AP3M2: variants seen among roughly 807,000 people sequenced by gnomAD.
AP3M2 encodes AP-3 complex subunit mu-2.
AP3M2 carries 28 observed loss-of-function variants against 41.6 expected under a neutral mutation model. That is an observed-to-expected ratio of 0.67 (90% CI 0.50 to 0.92). AP3M2 has a LOEUF of 0.92. Ranked by LOEUF, AP3M2 falls within the 40% of genes least tolerant of loss-of-function variation. The probability of loss-of-function intolerance (pLI) is 0.00; values close to 1 mark genes in which losing one functional copy is unlikely to be tolerated. For missense variants in AP3M2, 427 were observed against 521.4 expected, an observed-to-expected ratio of 0.82 and a Z score of 1.76; for synonymous variants, 193 against 186.4, an observed-to-expected ratio of 1.04 and a Z score of -0.29.
chr8:42,166,999 AATTAG>A, intron 6 of AP3M2, 160 bp from the exon 7 acceptor site: 1 of 628,052 alleles, frequency 1.6e-6, no homozygotes, highest in South Asian at 2.1e-5. Context: ...AAAAAGAAAA[AATTAG>A]ATTACTGGGG....
chr8:42,168,911 T>C (rs780778078), intron 8 of AP3M2, 50 bp from the exon 9 acceptor site: 1 of 1,405,770 alleles, frequency 7.1e-7, no homozygotes, highest in South Asian at 1.3e-5. Context: ...GGCGACCTGC[T>C]CCTTTTGAAT....
chr8:42,161,588 G>T (rs781156338), intron 3 of AP3M2, among the ~76,000 whole-genome samples: 1 of 152,132 alleles, frequency 6.6e-6, no homozygotes, highest in Admixed American at 6.5e-5. Context: ...CAGCCTGGGC[G>T]ATAGAGCGAG....
intron 2 of AP3M2, among the ~76,000 whole-genome samples, chr8:42,157,264 A>G (rs1804379479): frequency 6.6e-6 from 1 of 152,228 alleles, no homozygotes; most frequent in Non-Finnish European, 1.5e-5. Context: ...TGTTATCCTG[A>G]TTATACCATT....
chr8:42,158,925 C>G (rs1804432029), intron 3 of AP3M2, among the ~76,000 whole-genome samples: 1 of 152,102 alleles, frequency 6.6e-6, no homozygotes, highest in African/African-American at 2.4e-5. Flanking sequence ...TCCCGAGTAG[C>G]TGGGATTACA....
chr8:42,169,124 A>T lies in AP3M2; in HGVS notation c.*63A>T. ...TTCATTTCTTACTTGTCTAAAAGTA[A>T]AAAAAAATATCAGCCTGTCTCCTAG... On this transcript the variant is annotated 3_prime_UTR_variant, in exon 9 of 9. Transcript: ENST00000396926. 7.2e-7 allele frequency: 1 copy of T among 1,396,886 alleles called. No homozygotes were observed. Among genetic ancestry groups the T allele is most frequent in the Non-Finnish European group, 9.9e-7 (1 of 1,009,104 alleles). The allele number at this position is 1,396,886 out of a possible 1,614,324, so 86.5% of individuals were successfully genotyped here.
At chr8:42,161,655 G>C (rs1456125434) in intron 3 of AP3M2, among the ~76,000 whole-genome samples, 1 of 152,016 alleles carries the variant, frequency 6.6e-6, no homozygotes, top group African/African-American at 2.4e-5. Context: ...CCAGGTAATG[G>C]AAGAAGGAAA....
At position 42,169,105 on chromosome 8, in the gene AP3M2, TCTTA is replaced by T. The variant is rs900172982; in HGVS notation, c.*48_*51del. ...GAATAGTCTTGCACATTTTTTCATT[TCTTA>T]CTTGTCTAAAAGTAAAAAAAAATAT... On this transcript the variant is annotated 3_prime_UTR_variant, in exon 9 of 9. Coordinates refer to ENST00000396926, the MANE Select transcript of AP3M2 (RefSeq NM_006803.4). 1.3e-6 allele frequency: 2 copies of T among 1,509,556 alleles called. No individual in the cohort carries two copies. The highest frequency in any genetic ancestry group is 2.8e-5 in the African/African-American group (2 of 71,500). 93.5% of individuals were successfully genotyped at this position (1,509,556 alleles called of 1,614,324 possible).
intron 4 of AP3M2, among the ~76,000 whole-genome samples, chr8:42,162,667 A>C (rs1804537177): frequency 6.6e-6 from 1 of 152,134 alleles, no homozygotes; most frequent in Admixed American, 6.5e-5. Flanking sequence ...GTAACAGGCC[A>C]GATGTAGTGA....
Position 42,154,577 on chromosome 8 carries a change from T to C in AP3M2, c.-72-39T>C. The C allele has an allele frequency of 2.8e-5, 42 of 1,480,370 alleles. No homozygotes were observed. In the South Asian group the frequency reaches 5.8e-4, roughly 20 times the overall value. The allele number at this position is 1,480,370 out of a possible 1,614,324, so 91.7% of individuals were successfully genotyped here. Reference sequence around the variant, plus strand: ...TTGGGAAAAGATGGGGAGGGCCTTTTGGTTGAATGGAACTGAATATCGCTG... The same window carrying C: ...TTGGGAAAAGATGGGGAGGGCCTTTCGGTTGAATGGAACTGAATATCGCTG... On this transcript the variant is annotated intron_variant, in intron 1 of 8. Coordinates refer to ENST00000396926, the MANE Select transcript of AP3M2 (RefSeq NM_006803.4).
At chr8:42,165,645 T>C in intron 6 of AP3M2, 85 bp downstream of exon 6, 1 of 1,508,964 alleles carries the variant, frequency 6.6e-7, no homozygotes. Context: ...GAACTCAGGC[T>C]CTAGAGTTAC....
chr8:42,157,860 T>C, intron 2 of AP3M2, 81 bp from the exon 3 acceptor site: 1 of 1,390,554 alleles, frequency 7.2e-7, no homozygotes, highest in Non-Finnish European at 9.9e-7. Context: ...CAGATCCTTA[T>C]TCTCTGTAGG....
intron 1 of AP3M2, chr8:42,153,710 G>A (rs1804274745): frequency 6.6e-6 from 1 of 151,526 alleles, no homozygotes; most frequent in South Asian, 2.1e-4. Flanking sequence ...TCTGTTGCCC[G>A]GGCTGATCTC....
intron 3 of AP3M2, among the ~76,000 whole-genome samples, chr8:42,161,396 G>A (rs1386564274): frequency 6.6e-6 from 1 of 152,050 alleles, no homozygotes; most frequent in African/African-American, 2.4e-5. Context: ...GGATCATTAG[G>A]TCAGGAGTTC....
Position 42,166,994 on chromosome 8 carries a change from G to GA in AP3M2, c.804-164dup, listed in dbSNP as rs1338557916. 7 of 620,728 alleles carry GA rather than the reference G, an allele frequency of 1.1e-5. No homozygotes were observed. The East Asian group carries it at 1.7e-4, about 15-fold the overall frequency. 38.5% of individuals were successfully genotyped at this position (620,728 alleles called of 1,614,324 possible). On this transcript the variant is annotated intron_variant, in intron 6 of 8. Coordinates refer to ENST00000396926, the MANE Select transcript of AP3M2 (RefSeq NM_006803.4). Reference sequence around the variant, plus strand: ...TTACTAGACAGTAGCTTTTCAAAAAGAAAAAATTAGATTACTGGGGTTTTT... The same window carrying GA: ...TTACTAGACAGTAGCTTTTCAAAAAGAAAAAAATTAGATTACTGGGGTTTTT...
At chr8:42,156,883 G>A (rs961421150) in intron 2 of AP3M2, among the ~76,000 whole-genome samples, 2 of 152,168 alleles carry the variant, frequency 1.3e-5, no homozygotes, top group Non-Finnish European at 2.9e-5. Context: ...GTGAAAACTC[G>A]TAGTTTTCAG....
intron 4 of AP3M2, among the ~76,000 whole-genome samples, chr8:42,163,141 G>A (rs1212389098): frequency 1.3e-5 from 2 of 151,996 alleles, no homozygotes; most frequent in East Asian, 3.9e-4. Context: ...ATTTGTAGAA[G>A]CCAGTCATGA....
chr8:42,168,971 G>A lies in AP3M2; in HGVS notation c.1167G>A (p.Val389=). 1 of 1,603,470 alleles carries A rather than the reference G, an allele frequency of 6.2e-7. No individual in the cohort carries two copies. The highest frequency in any genetic ancestry group is 8.5e-7 in the Non-Finnish European group (1 of 1,175,904). The part of the protein sequence containing the change: ...IQQLAISGLK[V]NRLDMYGEKY... ...CTCCCTCCTTTCTAGGACTCAAGGT[G>A]AATCGTCTGGATATGTATGGAGAAA... Residue 389 remains valine (V), a synonymous_variant, in exon 9 of 9, where the codon GTG becomes GTA. Coordinates refer to ENST00000396926, the MANE Select transcript of AP3M2 (RefSeq NM_006803.4).
At chr8:42,158,794 G>C (rs1367514209) in intron 3 of AP3M2, among the ~76,000 whole-genome samples, 3 of 150,716 alleles carry the variant, frequency 2.0e-5, no homozygotes. Context: ...CTTCTACATG[G>C]TTCTTTTTTT....
chr8:42,165,599 G>A, intron 6 of AP3M2, 39 bp downstream of exon 6: 1 of 1,608,296 alleles, frequency 6.2e-7, no homozygotes, highest in Non-Finnish European at 8.5e-7. Context: ...ATCCGTGTAT[G>A]TACATGTATG....
Sources: gnomAD v4.1 joint callset for allele counts (sites outside exome capture counted in the v4.1 genomes callset) on GRCh38, gnomAD v4.1.1 for gene constraint, MANE v1.5 for transcripts, NCBI Gene and HGNC (gene_info 2026-07-23, HGNC 2026-07-21) for gene names.